The following CNTLN variants were observed in gnomAD, a reference collection of about 807,000 sequenced individuals.
CNTLN encodes the protein centlein, centrosomal protein.
Under a neutral mutation model 180.0 loss-of-function variants are expected in CNTLN, and 212 were observed. The observed-to-expected ratio is 1.18, with a 90% CI of 1.05 to 1.32. The LOEUF is 1.32. Among genes scored for constraint, CNTLN ranks in the 40% most tolerant of loss-of-function variants. CNTLN has a pLI of 0.00. For synonymous variants in CNTLN, 722 were observed against 563.1 expected, an observed-to-expected ratio of 1.28 and a Z score of -3.99; for missense variants, 2,095 against 1,610.9, an observed-to-expected ratio of 1.30 and a Z score of -5.14.
At chr9:17,324,000 A>T (rs1261872387) in intron 8 of CNTLN, among the ~76,000 whole-genome samples, 1 of 152,194 alleles carries the variant, frequency 6.6e-6, no homozygotes, top group Non-Finnish European at 1.5e-5. Flanking sequence ...TAATAATTAC[A>T]GGCTATTATG....
intron 2 of CNTLN, among the ~76,000 whole-genome samples, chr9:17,146,896 G>A (rs1195959223): frequency 6.7e-6 from 1 of 149,336 alleles, no homozygotes; most frequent in Non-Finnish European, 1.5e-5. Context: ...TCTGTTTCTT[G>A]CATTATCTTT....
intron 2 of CNTLN, among the ~76,000 whole-genome samples, chr9:17,207,320 C>G (rs1240044427): frequency 6.6e-6 from 1 of 152,104 alleles, no homozygotes; most frequent in African/African-American, 2.4e-5. Context: ...TTCTTCTTCC[C>G]TTGCGCGTTT....
chr9:17,169,657 T>C (rs116057383), intron 2 of CNTLN, among the ~76,000 whole-genome samples: 2,890 of 152,268 alleles, frequency 0.019, 56 homozygotes, highest in African/African-American at 0.05. Context: ...TGAAGAGACT[T>C]TCCTTTGCAC....
chr9:17,252,725 T>G (rs1488675915), intron 5 of CNTLN, among the ~76,000 whole-genome samples: 1 of 151,662 alleles, frequency 6.6e-6, no homozygotes, highest in Non-Finnish European at 1.5e-5. Flanking sequence ...GTAGGCTGAA[T>G]TTCAACCTAT....
At chr9:17,189,490 GT>G (rs199891071) in intron 2 of CNTLN, among the ~76,000 whole-genome samples, 26 of 136,532 alleles carry the variant, frequency 1.9e-4, no homozygotes, top group Admixed American at 6.6e-4. Flanking sequence ...TGTTGTTTTT[GT>G]TTTTTTTTTT....
chr9:17,234,321 TG>T (rs1825001479), intron 3 of CNTLN, among the ~76,000 whole-genome samples: 1 of 151,958 alleles, frequency 6.6e-6, no homozygotes, highest in Non-Finnish European at 1.5e-5. Flanking sequence ...CACATACCTA[TG>T]GTCCTTGCTA....
At chr9:17,376,474 C>A (rs1824773504) in intron 13 of CNTLN, among the ~76,000 whole-genome samples, 1 of 147,032 alleles carries the variant, frequency 6.8e-6, no homozygotes, top group Non-Finnish European at 1.5e-5. Context: ...TTTTTTGAGA[C>A]GGAGTCTCGC....
chr9:17,303,498 C>T (rs1818508088), intron 7 of CNTLN, among the ~76,000 whole-genome samples: 1 of 151,992 alleles, frequency 6.6e-6, no homozygotes, highest in Non-Finnish European at 1.5e-5. Flanking sequence ...TTTTATCTTG[C>T]TATTACATCA....
At chr9:17,483,496 A>G (rs1001179398) in intron 23 of CNTLN, among the ~76,000 whole-genome samples, 11 of 152,200 alleles carry the variant, frequency 7.2e-5, no homozygotes, top group Non-Finnish European at 1.5e-4. Flanking sequence ...ATATCTGAGC[A>G]CCATTATTTA....
chr9:17,295,997 A>AGAGAGTGT (rs1342910465), intron 6 of CNTLN, among the ~76,000 whole-genome samples: 6 of 91,342 alleles, frequency 6.6e-5, no homozygotes, highest in African/African-American at 3.5e-4. Context: ...AGAGAGAGAG[A>AGAGAGTGT]GTGTGTGTGT....
chr9:17,153,288 G>A (rs555700813), intron 2 of CNTLN, among the ~76,000 whole-genome samples: 4 of 152,282 alleles, frequency 2.6e-5, no homozygotes, highest in Admixed American at 6.5e-5. Flanking sequence ...TGCAGTGGCC[G>A]ATACCAGTTG....
rs191007463 is a variant in CNTLN, at chr9:17,382,105, A to G, written c.1988-6057A>G. On this transcript the variant is annotated intron_variant, in intron 13 of 25. Transcript: ENST00000380647. ...ATATAAAATCTTAAGCCAGTGAACA[A>G]AAGTATGCTGGAGCTGTTAGTATAT... Among the ~76,000 whole-genome samples the G allele has an allele frequency of 7.9e-5, 12 of 152,342 alleles. No homozygotes were observed. In the East Asian group the frequency reaches 9.6e-4, roughly 12 times the overall value.
chr9:17,146,634 G>C (rs1470119415), intron 2 of CNTLN, among the ~76,000 whole-genome samples: 1 of 152,126 alleles, frequency 6.6e-6, no homozygotes. Context: ...CTGGTGCCTT[G>C]ATCTTGGACT....
At chr9:17,407,913 G>T (rs1171563318) in intron 15 of CNTLN, among the ~76,000 whole-genome samples, 1 of 151,766 alleles carries the variant, frequency 6.6e-6, no homozygotes, top group Non-Finnish European at 1.5e-5. Context: ...ATTACCTGAG[G>T]TCAGGAGTTC....
At position 17,332,756 on chromosome 9, in the gene CNTLN, A is replaced by G. The variant is rs764119638; in HGVS notation, c.1644+26A>G. 6.5e-6 allele frequency: 10 copies of G among 1,548,560 alleles called. No individual in the cohort carries two copies. In the South Asian group the frequency reaches 7.4e-5, roughly 11 times the overall value. On this transcript the variant is annotated intron_variant, in intron 10 of 25. Transcript: ENST00000380647. Reference sequence around the variant, plus strand: ...GTGAACATTAAATCATTTCTTTAGTAGTAACCTTGCAAAGATAAAAATATA... The same window carrying G: ...GTGAACATTAAATCATTTCTTTAGTGGTAACCTTGCAAAGATAAAAATATA...
rs1057316810 is a variant in CNTLN at position 17,477,071 on chromosome 9, C to T, written c.3856-7224C>T. On this transcript the variant is annotated intron_variant, in intron 23 of 25. Transcript: ENST00000380647. ...AATCCTAGGACCCTTAAGAATTATG[C>T]TAAATCTACTGTGCCTATGCTCCAT... Among the ~76,000 whole-genome samples, 19 of 152,142 alleles carry T rather than the reference C, an allele frequency of 1.2e-4. 1 individual carries two copies. The highest frequency in any genetic ancestry group is 2.6e-4 in the Admixed American group (4 of 15,284).
At chr9:17,520,026 G>C in the CNTLN span, among the ~76,000 whole-genome samples, 2 of 152,172 alleles carry the variant, frequency 1.3e-5, no homozygotes, top group African/African-American at 4.8e-5. Flanking sequence ...CCGAAAGCTA[G>C]GATTTTTATC....
intron 12 of CNTLN, among the ~76,000 whole-genome samples, chr9:17,347,845 T>A (rs936842874): frequency 2.0e-5 from 3 of 152,050 alleles, no homozygotes; most frequent in Non-Finnish European, 4.4e-5. Context: ...TTATATATAT[T>A]TTTTGAGACA....
At chr9:17,153,103 CTT>C (rs1374062947) in intron 2 of CNTLN, among the ~76,000 whole-genome samples, 21 of 152,160 alleles carry the variant, frequency 1.4e-4, no homozygotes, top group African/African-American at 4.8e-4. Context: ...GGTCTTGACT[CTT>C]TATCCAATTT....
Sources: gnomAD v4.1 joint callset for allele counts (sites outside exome capture counted in the v4.1 genomes callset) on GRCh38, gnomAD v4.1.1 for gene constraint, MANE v1.5 for transcripts, NCBI Gene and HGNC (gene_info 2026-07-23, HGNC 2026-07-21) for gene names.